Variants in DOK5 observed in about 807,000 individuals in gnomAD.
The protein encoded by DOK5 is docking protein 5, also known as downstream of tyrosine kinase 5.
Under a neutral mutation model 43.3 loss-of-function variants are expected in DOK5, and 27 were observed. That is an observed-to-expected ratio of 0.62 (90% CI 0.46 to 0.86). DOK5 has a LOEUF of 0.86. Among genes scored for constraint, DOK5 ranks in the 40% least tolerant of loss-of-function variants. DOK5 has a pLI of 0.00. For synonymous variants in DOK5, 146 were observed against 140.1 expected (o/e 1.04, Z -0.30); for missense variants, 373 against 392.9 (o/e 0.95, Z 0.43).
At chr20:54,524,202 T>A (rs931873896) in intron 1 of DOK5, among the ~76,000 whole-genome samples, 2 of 152,008 alleles carry the variant, frequency 1.3e-5, no homozygotes, top group African/African-American at 4.8e-5. Context: ...AAGTCTGGGA[T>A]TGGAGAAACA....
At chr20:54,644,705 C>CAAAA (rs71196460) in intron 7 of DOK5, among the ~76,000 whole-genome samples, 1 of 15,214 alleles carries the variant, frequency 6.6e-5, no homozygotes, top group Admixed American at 5.1e-4. Context: ...GACTCCGTCT[C>CAAAA]AAAAAAAAAA....
chr20:54,607,301 A>G (rs960219348), intron 5 of DOK5, among the ~76,000 whole-genome samples: 3 of 151,984 alleles, frequency 2.0e-5, no homozygotes, highest in African/African-American at 7.2e-5. Flanking sequence ...CCTCTACCCT[A>G]GGTCATAGTG....
At chr20:54,650,355 T>A in intron 7 of DOK5, 60 bp from the exon 8 acceptor site, 1 of 1,555,698 alleles carries the variant, frequency 6.4e-7, no homozygotes, top group Non-Finnish European at 8.8e-7. Context: ...TGTTGCCACC[T>A]AATTTGATTG....
At chr20:54,600,199 G>T (rs968155156) in intron 5 of DOK5, among the ~76,000 whole-genome samples, 1 of 152,240 alleles carries the variant, frequency 6.6e-6, no homozygotes, top group East Asian at 1.9e-4. Flanking sequence ...CAATGGATGG[G>T]AAGCCACATG....
intron 2 of DOK5, among the ~76,000 whole-genome samples, chr20:54,563,360 T>A (rs1984977775): frequency 6.6e-6 from 1 of 152,254 alleles, no homozygotes; most frequent in South Asian, 2.1e-4. Context: ...CTCAATGATG[T>A]GTTTATAACT....
chr20:54,580,431 C>T (rs1374690696), intron 2 of DOK5, among the ~76,000 whole-genome samples: 1 of 152,124 alleles, frequency 6.6e-6, no homozygotes. Flanking sequence ...CACACTCTTT[C>T]CCTAAGTGGC....
At chr20:54,560,025 C>A (rs1212648916) in intron 2 of DOK5, among the ~76,000 whole-genome samples, 1 of 152,200 alleles carries the variant, frequency 6.6e-6, no homozygotes, top group African/African-American at 2.4e-5. Context: ...CAATGTCAGA[C>A]CTTGTTCTTC....
chr20:54,493,044 G>A (rs1568752663), intron 1 of DOK5, among the ~76,000 whole-genome samples: 1 of 123,676 alleles, frequency 8.1e-6, no homozygotes, highest in African/African-American at 3.3e-5. Context: ...AACAGAGTGA[G>A]ACTCTGTCCC....
intron 7 of DOK5, among the ~76,000 whole-genome samples, chr20:54,648,859 T>C (rs866354314): frequency 6.6e-6 from 1 of 152,154 alleles, no homozygotes; most frequent in Admixed American, 6.5e-5. Flanking sequence ...AGTACAATGT[T>C]CCTCTAACTC....
intron 1 of DOK5, among the ~76,000 whole-genome samples, chr20:54,491,855 C>T (rs1160268901): frequency 1.3e-5 from 2 of 151,982 alleles, no homozygotes; most frequent in African/African-American, 2.4e-5. Context: ...GTATTCTTTA[C>T]TTTGGATTCC....
chr20:54,620,531 G>T (rs923720314), intron 6 of DOK5, among the ~76,000 whole-genome samples: 2 of 152,078 alleles, frequency 1.3e-5, no homozygotes, highest in East Asian at 1.9e-4. Flanking sequence ...GAGCCACAGC[G>T]CCTGGCATTT....
At chr20:54,616,505 C>T (rs1986810933) in intron 6 of DOK5, among the ~76,000 whole-genome samples, 2 of 152,320 alleles carry the variant, frequency 1.3e-5, no homozygotes, top group South Asian at 4.1e-4. Context: ...CCTCACACAT[C>T]TTTCTCTGGG....
intron 1 of DOK5, among the ~76,000 whole-genome samples, chr20:54,552,503 A>G (rs957504815): frequency 2.0e-5 from 3 of 151,788 alleles, no homozygotes; most frequent in Non-Finnish European, 4.4e-5. Context: ...ACAGATGTAT[A>G]ACATTTATTA....
At chr20:54,627,240 A>C (rs1236397054) in intron 6 of DOK5, among the ~76,000 whole-genome samples, 5 of 152,226 alleles carry the variant, frequency 3.3e-5, no homozygotes, top group Non-Finnish European at 5.9e-5. Context: ...ATCCTTGTAC[A>C]CAGTTCTTAT....
chr20:54,503,078 G>A (rs1021985849), intron 1 of DOK5, among the ~76,000 whole-genome samples: 25 of 152,144 alleles, frequency 1.6e-4, no homozygotes, highest in African/African-American at 5.6e-4. Context: ...GTATATATGT[G>A]CTTGTGTTTG....
At chr20:54,628,964 G>A (rs1231740420) in intron 6 of DOK5, among the ~76,000 whole-genome samples, 1 of 152,174 alleles carries the variant, frequency 6.6e-6, no homozygotes, top group East Asian at 1.9e-4. Context: ...TCTGAGTCTT[G>A]TAGAAATGCA....
intron 1 of DOK5, among the ~76,000 whole-genome samples, chr20:54,536,364 A>T (rs1264703609): frequency 6.6e-6 from 1 of 152,182 alleles, no homozygotes; most frequent in Non-Finnish European, 1.5e-5. Flanking sequence ...ATGTGAGATA[A>T]AATATTAGCA....
intron 5 of DOK5, among the ~76,000 whole-genome samples, chr20:54,607,608 C>A (rs80330637): frequency 6.7e-6 from 1 of 150,136 alleles, no homozygotes; most frequent in African/African-American, 2.5e-5. Context: ...CATTGGGGGC[C>A]GGGTGCAGTG....
chr20:54,509,820 C>T (rs113302013), intron 1 of DOK5, among the ~76,000 whole-genome samples: 3 of 152,144 alleles, frequency 2.0e-5, no homozygotes, highest in African/African-American at 7.2e-5. Flanking sequence ...CACACTGACC[C>T]CTGCCTCCAC....
Sources: allele counts gnomAD v4.1 joint callset (sites outside exome capture counted in the v4.1 genomes callset), GRCh38; gene constraint gnomAD v4.1.1; transcripts MANE v1.5; gene names NCBI Gene and HGNC (gene_info 2026-07-23, HGNC 2026-07-21).